RUNX1T1: variants seen among roughly 807,000 people sequenced by gnomAD.
The protein encoded by RUNX1T1 is protein CBFA2T1.
RUNX1T1 carries 4 observed loss-of-function variants against 62.8 expected under a neutral mutation model. That is an observed-to-expected ratio of 0.06 (90% CI 0.03 to 0.15). The LOEUF is 0.15. Among genes scored for constraint, RUNX1T1 ranks in the 10% least tolerant of loss-of-function variants. RUNX1T1 has a pLI of 1.00. For synonymous variants in RUNX1T1, 291 were observed against 286.0 expected (o/e 1.02, Z -0.18); for missense variants, 508 against 754.3 (o/e 0.67, Z 3.82).
chr8:92,060,553 A>ATATATATATATGTGTG, intron 1 of RUNX1T1, among the ~76,000 whole-genome samples: 5 of 63,972 alleles, frequency 7.8e-5, no homozygotes, highest in African/African-American at 1.2e-4. Context: ...ATATATATAT[A>ATATATATATATGTGTG]TGTGTGTGTG....
At chr8:91,964,899 T>C (rs1011070725) in intron 10 of RUNX1T1, among the ~76,000 whole-genome samples, 3 of 152,198 alleles carry the variant, frequency 2.0e-5, no homozygotes, top group African/African-American at 7.2e-5. Context: ...CTTCATCACT[T>C]TGTGGCTTTA....
intron 5 of RUNX1T1, among the ~76,000 whole-genome samples, chr8:91,996,652 G>A (rs759729945): frequency 2.6e-5 from 4 of 152,186 alleles, no homozygotes; most frequent in African/African-American, 9.6e-5. Flanking sequence ...GGACTCAGCC[G>A]TGTGATCTCC....
chr8:92,022,247 A>G (rs1028838835), intron 1 of RUNX1T1, among the ~76,000 whole-genome samples: 1 of 152,122 alleles, frequency 6.6e-6, no homozygotes, highest in African/African-American at 2.4e-5. Context: ...ATCAAATTTC[A>G]TGGTAAAAGA....
intron 1 of RUNX1T1, among the ~76,000 whole-genome samples, chr8:92,052,128 T>G (rs1830342908): frequency 6.6e-6 from 1 of 152,192 alleles, no homozygotes; most frequent in South Asian, 2.1e-4. Context: ...ACATCAGAAA[T>G]AAATCTTCTC....
intron 8 of RUNX1T1, among the ~76,000 whole-genome samples, chr8:91,984,005 C>A (rs1450685359): frequency 6.6e-6 from 1 of 152,142 alleles, no homozygotes; most frequent in Admixed American, 6.5e-5. Context: ...GATTCTGTGA[C>A]AATAAAGAAC....
chr8:91,965,382 C>T (rs964179886), intron 10 of RUNX1T1, among the ~76,000 whole-genome samples: 3 of 152,140 alleles, frequency 2.0e-5, no homozygotes, highest in African/African-American at 2.4e-5. Context: ...TATACAATAA[C>T]TTCTTCTGCT....
chr8:91,997,747 T>A (rs1818977493), intron 5 of RUNX1T1, among the ~76,000 whole-genome samples: 1 of 152,008 alleles, frequency 6.6e-6, no homozygotes, highest in Non-Finnish European at 1.5e-5. Context: ...TTTGCCAGTA[T>A]CCCCCAGAGC....
intron 10 of RUNX1T1, among the ~76,000 whole-genome samples, chr8:91,966,764 A>C (rs1300879217): frequency 8.5e-5 from 13 of 152,226 alleles, no homozygotes; most frequent in Admixed American, 8.5e-4. Flanking sequence ...GAGAAAGTAC[A>C]GTAAGCATCA....
chr8:92,060,648 A>C (rs1420358372), intron 1 of RUNX1T1, among the ~76,000 whole-genome samples: 6 of 149,116 alleles, frequency 4.0e-5, no homozygotes, highest in African/African-American at 1.5e-4. Flanking sequence ...ACAACCTTTT[A>C]ATCTTCTACA....
At chr8:91,985,239 A>G (rs966494817) in intron 8 of RUNX1T1, among the ~76,000 whole-genome samples, 5 of 152,212 alleles carry the variant, frequency 3.3e-5, no homozygotes, top group Non-Finnish European at 7.3e-5. Context: ...AAGTTTACTC[A>G]AAAAGTATTC....
At chr8:92,045,667 T>G (rs1277922735) in intron 1 of RUNX1T1, among the ~76,000 whole-genome samples, 1 of 152,146 alleles carries the variant, frequency 6.6e-6, no homozygotes, top group Non-Finnish European at 1.5e-5. Flanking sequence ...TCTTGTAATT[T>G]CTCCCTAATC....
chr8:91,974,086 T>C (rs1813408664), intron 9 of RUNX1T1, among the ~76,000 whole-genome samples: 1 of 151,868 alleles, frequency 6.6e-6, no homozygotes, highest in African/African-American at 2.4e-5. Flanking sequence ...CTCTCTTAAG[T>C]CCCCAAAACC....
At chr8:92,065,639 AT>A (rs1563885059), upstream of RUNX1T1, among the ~76,000 whole-genome samples, 1 of 152,174 alleles carries the variant, frequency 6.6e-6, no homozygotes, top group African/African-American at 2.4e-5. Context: ...ATTCCAAGGT[AT>A]TTTTCACTTA....
At chr8:91,960,959 C>T (rs1810309413) in intron 10 of RUNX1T1, among the ~76,000 whole-genome samples, 1 of 152,168 alleles carries the variant, frequency 6.6e-6, no homozygotes, top group African/African-American at 2.4e-5. Flanking sequence ...AAGAAACTAC[C>T]AGAACCATAT....
chr8:91,966,992 T>A (rs1357496763), intron 10 of RUNX1T1, among the ~76,000 whole-genome samples: 1 of 152,114 alleles, frequency 6.6e-6, no homozygotes, highest in Non-Finnish European at 1.5e-5. Flanking sequence ...GGCCTGAAAG[T>A]CGGGCTACCT....
chr8:92,099,075 C>A (rs1563953623), intron 1 of RUNX1T1, among the ~76,000 whole-genome samples: 1 of 152,166 alleles, frequency 6.6e-6, no homozygotes, highest in Admixed American at 6.5e-5. Context: ...CTTAGGTTCA[C>A]AGAGGTGTTT....
At chr8:92,004,021 T>C (rs1820258922) in intron 5 of RUNX1T1, among the ~76,000 whole-genome samples, 1 of 152,218 alleles carries the variant, frequency 6.6e-6, no homozygotes, top group Non-Finnish European at 1.5e-5. Context: ...CAGAGGATTA[T>C]GTAATAACAG....
chr8:92,002,468 T>A (rs1819950635), intron 5 of RUNX1T1, among the ~76,000 whole-genome samples: 1 of 152,128 alleles, frequency 6.6e-6, no homozygotes, highest in Non-Finnish European at 1.5e-5. Context: ...AAAGTTAAAT[T>A]TGCCAAAACC....
At chr8:91,960,663 C>T (rs1190061162) in intron 10 of RUNX1T1, 146 bp from the exon 12 acceptor site, 9 of 831,414 alleles carry the variant, frequency 1.1e-5, no homozygotes, top group Non-Finnish European at 1.7e-5. Flanking sequence ...CGTATGGATA[C>T]AAACACTAAA....
Sources: allele counts gnomAD v4.1 joint callset (sites outside exome capture counted in the v4.1 genomes callset), GRCh38; gene constraint gnomAD v4.1.1; transcripts MANE v1.5; gene names NCBI Gene and HGNC (gene_info 2026-07-23, HGNC 2026-07-21).